FRAS1: variants seen among roughly 807,000 people sequenced by gnomAD.
FRAS1 encodes extracellular matrix organizing protein FRAS1.
Under a neutral mutation model 435.2 loss-of-function variants are expected in FRAS1, and 290 were observed. The ratio of observed to expected loss-of-function variants is 0.67; its 90% CI spans 0.61 to 0.73. FRAS1 has a LOEUF of 0.73. FRAS1 is among the 30% of genes least tolerant of loss of function. FRAS1 has a pLI of 0.00. For missense variants in FRAS1, 4,860 were observed against 5,001.5 expected (o/e 0.97, Z 0.85); for synonymous variants, 1,800 against 1,851.0 (o/e 0.97, Z 0.71).
At chr4:78,444,187 A>G in intron 41 of FRAS1, 1 of 455,812 alleles carries the variant, frequency 2.2e-6, no homozygotes, top group South Asian at 1.6e-5. Flanking sequence ...CAAATAAAGA[A>G]GCCACATTTC....
intron 35 of FRAS1, 46 bp downstream of exon 35, chr4:78,424,466 C>T: frequency 1.0e-6 from 1 of 983,826 alleles, no homozygotes. Context: ...TTTTTTCTTT[C>T]CTTATTAGTT....
intron 2 of FRAS1, among the ~76,000 whole-genome samples, chr4:78,203,706 A>G (rs906096445): frequency 2.6e-5 from 4 of 152,154 alleles, no homozygotes; most frequent in Non-Finnish European, 5.9e-5. Flanking sequence ...AGCTGGGATT[A>G]CAGGCGGCTG....
At chr4:78,185,386 T>C (rs1190628507) in intron 2 of FRAS1, among the ~76,000 whole-genome samples, 1 of 152,248 alleles carries the variant, frequency 6.6e-6, no homozygotes, top group Non-Finnish European at 1.5e-5. Flanking sequence ...AATGTATTTG[T>C]GCCAGAGTTT....
intron 59 of FRAS1, among the ~76,000 whole-genome samples, chr4:78,494,165 A>G (rs1252975969): frequency 1.3e-5 from 2 of 151,848 alleles, no homozygotes; most frequent in African/African-American, 4.8e-5. Flanking sequence ...TAAAAATGCT[A>G]TTGTCCTCTT....
Position 78,238,732 on chromosome 4 carries a change from G to A in FRAS1, c.216+1115G>A, listed in dbSNP as rs570065043. Among the ~76,000 whole-genome samples the A allele has an allele frequency of 3.3e-5, 5 of 152,200 alleles. No homozygotes were observed. In the East Asian group the frequency reaches 9.7e-4, roughly 29 times the overall value. ...AAGTCATGTCAGAATCTGAGCTGGT[G>A]GCAAAAACGCCATGAAAAATGCCCT... is the stretch of plus-strand genomic sequence containing the variant. On this transcript the variant is annotated intron_variant, in intron 3 of 73. Coordinates refer to ENST00000512123, the MANE Select transcript of FRAS1 (RefSeq NM_025074.7).
chr4:78,214,698 C>T (rs1310521216), intron 2 of FRAS1, among the ~76,000 whole-genome samples: 1 of 152,202 alleles, frequency 6.6e-6, no homozygotes, highest in Non-Finnish European at 1.5e-5. Context: ...AATTAATTTA[C>T]TCATTCATAA....
intron 50 of FRAS1, among the ~76,000 whole-genome samples, chr4:78,468,674 TC>T (rs1719611830): frequency 6.6e-6 from 1 of 152,208 alleles, no homozygotes; most frequent in South Asian, 2.1e-4. Flanking sequence ...CCATTTTTAC[TC>T]ATCCCTTTGT....
intron 58 of FRAS1, among the ~76,000 whole-genome samples, chr4:78,488,421 C>T (rs538181208): frequency 5.3e-5 from 8 of 152,250 alleles, no homozygotes; most frequent in Middle Eastern, 6.8e-3. Flanking sequence ...TCTCTCTGGC[C>T]CCAAGACCAA....
At chr4:78,147,628 A>G (rs1720472855) in intron 2 of FRAS1, among the ~76,000 whole-genome samples, 1 of 152,174 alleles carries the variant, frequency 6.6e-6, no homozygotes, top group Non-Finnish European at 1.5e-5. Flanking sequence ...CAACAAGGAA[A>G]TGAGTTCATC....
chr4:78,480,994 A>G (rs982209155), intron 56 of FRAS1, among the ~76,000 whole-genome samples: 3 of 152,228 alleles, frequency 2.0e-5, no homozygotes, highest in African/African-American at 7.2e-5. Flanking sequence ...TCAGTCATCA[A>G]TGATTAAGCA....
intron 9 of FRAS1, among the ~76,000 whole-genome samples, chr4:78,268,154 A>G (rs1010438481): frequency 6.6e-6 from 1 of 152,030 alleles, no homozygotes; most frequent in Non-Finnish European, 1.5e-5. Flanking sequence ...CGCCCCACCA[A>G]TTTCCCTGTG....
intron 48 of FRAS1, 79 bp downstream of exon 48, chr4:78,464,224 TGGTGAGAGAAGA>T (rs1288582048): frequency 2.8e-5 from 42 of 1,507,994 alleles, no homozygotes; most frequent in Non-Finnish European, 3.5e-5. Context: ...GCAGAGTGAC[TGGTGAGAGAAGA>T]GCTTCATTTT....
At chr4:78,395,475 T>C (rs1272791312) in intron 29 of FRAS1, among the ~76,000 whole-genome samples, 6 of 152,048 alleles carry the variant, frequency 3.9e-5, no homozygotes, top group African/African-American at 1.2e-4. Context: ...TCCACTACCA[T>C]TATTGCAATG....
At chr4:78,293,202 T>C (rs1001868854) in intron 14 of FRAS1, among the ~76,000 whole-genome samples, 1 of 152,212 alleles carries the variant, frequency 6.6e-6, no homozygotes, top group African/African-American at 2.4e-5. Context: ...GAAATTATTA[T>C]TATCAGTGCT....
intron 2 of FRAS1, among the ~76,000 whole-genome samples, chr4:78,192,836 G>A (rs1183135278): frequency 6.6e-6 from 1 of 152,084 alleles, no homozygotes; most frequent in Non-Finnish European, 1.5e-5. Flanking sequence ...GTTTGCTCTT[G>A]CTTCTCTAGT....
intron 14 of FRAS1, among the ~76,000 whole-genome samples, chr4:78,296,846 A>G (rs2110201397): frequency 6.6e-6 from 1 of 152,284 alleles, no homozygotes; most frequent in Middle Eastern, 3.4e-3. Context: ...AGCTCTCCCC[A>G]TGCCATTCAT....
rs1481479253 is a variant in FRAS1, at chr4:78,399,156, G to T, written c.3976-1578G>T. ...AAAGGAGAATATTCTCTGGGATTTT[G>T]CCCTGAGCACCAATCAGGTTAGAAA... On this transcript the variant is annotated intron_variant, in intron 29 of 73. Coordinates refer to ENST00000512123, the MANE Select transcript of FRAS1 (RefSeq NM_025074.7). Among the ~76,000 whole-genome samples the T allele has an allele frequency of 2.6e-5, 4 of 152,090 alleles. No homozygotes were observed. In the East Asian group the frequency reaches 5.8e-4, roughly 22 times the overall value.
intron 2 of FRAS1, among the ~76,000 whole-genome samples, chr4:78,222,340 G>A (rs1467044478): frequency 1.3e-5 from 2 of 152,066 alleles, no homozygotes; most frequent in East Asian, 1.9e-4. Flanking sequence ...TATTTCATGC[G>A]TGTGCATTTC....
At chr4:78,286,968 G>T (rs917529769) in intron 14 of FRAS1, among the ~76,000 whole-genome samples, 4 of 151,722 alleles carry the variant, frequency 2.6e-5, no homozygotes, top group African/African-American at 4.9e-5. Context: ...AGAAATGGAA[G>T]ATGGGAGTTG....
Sources: gnomAD v4.1 joint callset for allele counts (sites outside exome capture counted in the v4.1 genomes callset) on GRCh38, gnomAD v4.1.1 for gene constraint, MANE v1.5 for transcripts, NCBI Gene and HGNC (gene_info 2026-07-23, HGNC 2026-07-21) for gene names.